The following RBFOX1 variants were observed in gnomAD, a reference collection of about 807,000 sequenced individuals.
RBFOX1 encodes the protein RNA binding protein fox-1 homolog 1.
RBFOX1 carries 8 observed loss-of-function variants against 57.7 expected under a neutral mutation model. That is an observed-to-expected ratio of 0.14 (90% CI 0.08 to 0.25). The LOEUF is 0.25. RBFOX1 is among the 10% of genes least tolerant of loss of function. The probability of loss-of-function intolerance (pLI) is 1.00; values close to 1 mark genes in which losing one functional copy is unlikely to be tolerated. For missense variants in RBFOX1, 611 were observed against 548.5 expected (o/e 1.11, Z -1.14); for synonymous variants, 326 against 222.4 (o/e 1.47, Z -4.15).
chr16:6,323,269 C>A (rs555920945), intron 2 of RBFOX1, among the ~76,000 whole-genome samples: 1 of 152,100 alleles, frequency 6.6e-6, no homozygotes, highest in African/African-American at 2.4e-5. Flanking sequence ...AAGAGGGAAG[C>A]CCAGGCAGCA....
intron 4 of RBFOX1, among the ~76,000 whole-genome samples, chr16:7,480,344 T>A (rs998561824): frequency 6.6e-5 from 10 of 152,226 alleles, no homozygotes; most frequent in African/African-American, 2.4e-4. Context: ...CCTGAGCTGG[T>A]AGCACTATCC....
intron 4 of RBFOX1, among the ~76,000 whole-genome samples, chr16:5,965,857 C>G (rs2059832429): frequency 6.6e-6 from 1 of 152,070 alleles, no homozygotes; most frequent in African/African-American, 2.4e-5. Flanking sequence ...TGTCTTTCTA[C>G]GTCAATCCTC....
chr16:7,492,329 A>T (rs893782753), intron 4 of RBFOX1, among the ~76,000 whole-genome samples: 47 of 152,058 alleles, frequency 3.1e-4, no homozygotes, highest in African/African-American at 1.1e-3. Context: ...AATGGGGGTC[A>T]ACTTTTCTAC....
intron 4 of RBFOX1, among the ~76,000 whole-genome samples, chr16:5,893,927 A>G (rs1182130049): frequency 6.6e-6 from 1 of 152,176 alleles, no homozygotes; most frequent in Admixed American, 6.5e-5. Context: ...GATCACCCAC[A>G]GCCATGTCCG....
intron 3 of RBFOX1, among the ~76,000 whole-genome samples, chr16:6,919,945 C>G (rs1313357842): frequency 6.6e-6 from 1 of 151,974 alleles, no homozygotes; most frequent in Admixed American, 6.6e-5. Context: ...TCCCACTTTT[C>G]CCCTCTGAGT....
intron 4 of RBFOX1, among the ~76,000 whole-genome samples, chr16:7,368,232 A>G (rs2097499006): frequency 2.0e-5 from 3 of 149,814 alleles, no homozygotes; most frequent in East Asian, 2.0e-4. Flanking sequence ...CTGCCACTGC[A>G]CTCCATCCTG....
chr16:5,710,891 C>T (rs1232325555), intron 3 of RBFOX1, among the ~76,000 whole-genome samples: 5 of 152,168 alleles, frequency 3.3e-5, no homozygotes, highest in Non-Finnish European at 7.3e-5. Context: ...TCCTCTTTGT[C>T]TTGGTATGAG....
At chr16:6,449,068 A>G (rs2094541645) in intron 2 of RBFOX1, among the ~76,000 whole-genome samples, 1 of 152,184 alleles carries the variant, frequency 6.6e-6, no homozygotes. Context: ...CTGCCATTGT[A>G]AGTATATGTA....
intron 2 of RBFOX1, among the ~76,000 whole-genome samples, chr16:6,358,923 A>G (rs2087888201): frequency 6.6e-6 from 1 of 152,216 alleles, no homozygotes; most frequent in Non-Finnish European, 1.5e-5. Flanking sequence ...GAAGGGTAGC[A>G]AAGCTGAGAT....
At chr16:5,252,801 G>T (rs561185124) in intron 1 of RBFOX1, among the ~76,000 whole-genome samples, 16 of 152,210 alleles carry the variant, frequency 1.1e-4, no homozygotes, top group African/African-American at 3.9e-4. Context: ...TCTGCAAGGG[G>T]CCTGCAGATG....
chr16:5,619,368 A>G, intron 3 of RBFOX1, among the ~76,000 whole-genome samples: 1 of 152,002 alleles, frequency 6.6e-6, no homozygotes, highest in African/African-American at 2.4e-5. Flanking sequence ...TCAACATGAG[A>G]TTAACAGGCT....
intron 4 of RBFOX1, among the ~76,000 whole-genome samples, chr16:5,935,374 G>T (rs2152255296): frequency 6.6e-6 from 1 of 152,284 alleles, no homozygotes; most frequent in Admixed American, 6.5e-5. Context: ...GGAGGACCAT[G>T]GCCAGGAGCC....
intron 3 of RBFOX1, among the ~76,000 whole-genome samples, chr16:6,997,758 C>G (rs1372410832): frequency 6.6e-6 from 1 of 152,048 alleles, no homozygotes; most frequent in Non-Finnish European, 1.5e-5. Context: ...CTTTGTTGTT[C>G]TCACAACTAC....
At chr16:6,785,852 C>T (rs1373203395) in intron 3 of RBFOX1, among the ~76,000 whole-genome samples, 1 of 139,412 alleles carries the variant, frequency 7.2e-6, no homozygotes. Flanking sequence ...GACTCAAAGT[C>T]CATTAGACTC....
chr16:7,477,012 T>C (rs2062858558), intron 4 of RBFOX1, among the ~76,000 whole-genome samples: 1 of 152,146 alleles, frequency 6.6e-6, no homozygotes, highest in Non-Finnish European at 1.5e-5. Context: ...CTGGGAAGTG[T>C]ACCTAACACT....
chr16:7,548,041 A>T (rs1307908305), intron 5 of RBFOX1, among the ~76,000 whole-genome samples: 1 of 152,246 alleles, frequency 6.6e-6, no homozygotes, highest in African/African-American at 2.4e-5. Flanking sequence ...CTCTGTAAAC[A>T]GAAAATAAGC....
intron 4 of RBFOX1, among the ~76,000 whole-genome samples, chr16:7,459,574 G>A (rs149690863): frequency 6.6e-6 from 1 of 152,186 alleles, no homozygotes; most frequent in African/African-American, 2.4e-5. Flanking sequence ...AATTGGAAAA[G>A]TTACAGATAT....
chr16:7,013,370 G>C (rs1381960100), intron 3 of RBFOX1, among the ~76,000 whole-genome samples: 2 of 152,152 alleles, frequency 1.3e-5, no homozygotes, highest in Non-Finnish European at 2.9e-5. Flanking sequence ...TCACTTGAAG[G>C]AAAAATTGCC....
intron 4 of RBFOX1, among the ~76,000 whole-genome samples, chr16:7,156,369 A>G (rs766489060): frequency 6.6e-6 from 1 of 152,022 alleles, no homozygotes; most frequent in African/African-American, 2.4e-5. Flanking sequence ...GCACATATAC[A>G]TATGCGTGTA....
Sources: gnomAD v4.1 joint callset for allele counts (sites outside exome capture counted in the v4.1 genomes callset) on GRCh38, gnomAD v4.1.1 for gene constraint, MANE v1.5 for transcripts, NCBI Gene and HGNC (gene_info 2026-07-23, HGNC 2026-07-21) for gene names.